Variants in SIK3 observed in about 807,000 individuals in gnomAD.
The protein encoded by SIK3 is serine/threonine-protein kinase SIK3.
A neutral mutation model predicts 144.2 loss-of-function variants in SIK3; 28 were observed. The ratio of observed to expected loss-of-function variants is 0.19; its 90% CI spans 0.14 to 0.27. The LOEUF (loss-of-function observed/expected upper bound fraction) is 0.27, where lower values mean the gene tolerates loss of function less well. Ranked by LOEUF, SIK3 falls within the 10% of genes least tolerant of loss-of-function variation. SIK3 has a pLI of 1.00. For synonymous variants in SIK3, 686 were observed against 676.3 expected, an observed-to-expected ratio of 1.01 and a Z score of -0.22; for missense variants, 1,319 against 1,776.0, an observed-to-expected ratio of 0.74 and a Z score of 4.62.
chr11:116,890,477 G>T (rs1270906640), intron 6 of SIK3, among the ~76,000 whole-genome samples: 1 of 152,206 alleles, frequency 6.6e-6, no homozygotes, highest in African/African-American at 2.4e-5. Flanking sequence ...TTCTGATTCA[G>T]ATTTCATATT....
chr11:117,005,955 A>C (rs1202375163), intron 1 of SIK3, among the ~76,000 whole-genome samples: 7 of 152,176 alleles, frequency 4.6e-5, no homozygotes, highest in Non-Finnish European at 8.8e-5. Flanking sequence ...AGAATGACCA[A>C]GAATACAGGA....
chr11:116,941,194 G>A (rs190683074), intron 3 of SIK3, among the ~76,000 whole-genome samples: 1 of 152,088 alleles, frequency 6.6e-6, no homozygotes, highest in Admixed American at 6.5e-5. Context: ...TTTCGGTAGA[G>A]ACGGGCTTTC....
intron 1 of SIK3, among the ~76,000 whole-genome samples, chr11:117,048,810 A>C (rs1409140836): frequency 1.3e-5 from 2 of 152,070 alleles, no homozygotes; most frequent in Non-Finnish European, 2.9e-5. Flanking sequence ...CCTTTAAAAT[A>C]CTTCATGACT....
intron 16 of SIK3, among the ~76,000 whole-genome samples, chr11:116,863,404 T>A (rs1338383031): frequency 6.6e-6 from 1 of 152,108 alleles, no homozygotes; most frequent in Non-Finnish European, 1.5e-5. Context: ...TAATTTTTAA[T>A]CTTTTGGGGG....
chr11:116,989,279 A>C (rs1020689399), intron 1 of SIK3, among the ~76,000 whole-genome samples: 1 of 152,102 alleles, frequency 6.6e-6, no homozygotes, highest in African/African-American at 2.4e-5. Context: ...TAAATCAGTA[A>C]GGTCTTTTAA....
At chr11:116,973,698 T>C (rs1352668084) in intron 1 of SIK3, among the ~76,000 whole-genome samples, 1 of 152,210 alleles carries the variant, frequency 6.6e-6, no homozygotes, top group Non-Finnish European at 1.5e-5. Flanking sequence ...GTCATGTTGA[T>C]AGTATGTGCC....
intron 23 of SIK3, 124 bp downstream of exon 23, chr11:116,847,352 C>G (rs532902900): frequency 8.2e-6 from 11 of 1,345,226 alleles, no homozygotes; most frequent in African/African-American, 1.4e-5. Flanking sequence ...TGTCCAGAAC[C>G]TGTGGGATGC....
chr11:117,004,360 C>T (rs1023112447), intron 1 of SIK3, among the ~76,000 whole-genome samples: 3 of 151,904 alleles, frequency 2.0e-5, no homozygotes, highest in Admixed American at 6.6e-5. Flanking sequence ...ACAAAAAATA[C>T]AAAAAATTAG....
intron 6 of SIK3, among the ~76,000 whole-genome samples, chr11:116,889,606 A>T (rs1215855190): frequency 6.6e-6 from 1 of 152,150 alleles, no homozygotes; most frequent in Non-Finnish European, 1.5e-5. Flanking sequence ...ATTTTTAAAA[A>T]ATATATTGGC....
chr11:116,875,714 ATTG>A, intron 9 of SIK3, 149 bp downstream of exon 9: 1 of 1,018,536 alleles, frequency 9.8e-7, no homozygotes, highest in African/African-American at 1.9e-5. Flanking sequence ...CAGATCTTTG[ATTG>A]GCCTCTGACA....
At chr11:117,080,298 T>C (rs1954729332) in intron 1 of SIK3, among the ~76,000 whole-genome samples, 1 of 148,934 alleles carries the variant, frequency 6.7e-6, no homozygotes, top group African/African-American at 2.6e-5. Flanking sequence ...TGAATTGGCA[T>C]GGCCTTACTT....
chr11:117,036,623 T>C (rs988043654), intron 1 of SIK3, among the ~76,000 whole-genome samples: 2 of 152,242 alleles, frequency 1.3e-5, no homozygotes, highest in Non-Finnish European at 2.9e-5. Flanking sequence ...GGCATATTTA[T>C]TGTAATTATT....
intron 1 of SIK3, among the ~76,000 whole-genome samples, chr11:117,073,404 C>T (rs543821628): frequency 6.6e-6 from 1 of 152,248 alleles, no homozygotes; most frequent in East Asian, 1.9e-4. Context: ...AATTTTGATG[C>T]CTAATACCTG....
chr11:117,062,360 A>T (rs924357361), intron 1 of SIK3, among the ~76,000 whole-genome samples: 1 of 152,210 alleles, frequency 6.6e-6, no homozygotes, highest in African/African-American at 2.4e-5. Context: ...AAGAATTCTT[A>T]AAGTAAAAAT....
intron 6 of SIK3, among the ~76,000 whole-genome samples, chr11:116,882,873 G>C (rs1944616573): frequency 6.6e-6 from 1 of 151,962 alleles, no homozygotes; most frequent in African/African-American, 2.4e-5. Context: ...CTTCAAAGAG[G>C]GTTCTATTTT....
intron 6 of SIK3, among the ~76,000 whole-genome samples, chr11:116,895,758 G>C (rs970964656): frequency 8.5e-5 from 13 of 152,086 alleles, no homozygotes; most frequent in Non-Finnish European, 2.9e-5. Context: ...AGGACAAAGA[G>C]CACAGAAATA....
intron 1 of SIK3, among the ~76,000 whole-genome samples, chr11:117,048,969 C>T (rs1953098661): frequency 2.0e-5 from 3 of 151,808 alleles, no homozygotes; most frequent in African/African-American, 7.3e-5. Flanking sequence ...GGCGTGGTGG[C>T]GCACGCTTGT....
intron 1 of SIK3, among the ~76,000 whole-genome samples, chr11:116,967,797 C>T (rs1256774765): frequency 6.6e-6 from 1 of 152,158 alleles, no homozygotes; most frequent in Non-Finnish European, 1.5e-5. Flanking sequence ...ACTATCTTCC[C>T]TGAGCAGCCT....
intron 3 of SIK3, among the ~76,000 whole-genome samples, chr11:116,947,756 G>A (rs1333762204): frequency 1.3e-5 from 2 of 151,294 alleles, no homozygotes; most frequent in East Asian, 1.9e-4. Context: ...TAGTAGAGAC[G>A]GGGTTTCACC....
Sources: gnomAD v4.1 joint callset for allele counts (sites outside exome capture counted in the v4.1 genomes callset) on GRCh38, gnomAD v4.1.1 for gene constraint, MANE v1.5 for transcripts, NCBI Gene and HGNC (gene_info 2026-07-23, HGNC 2026-07-21) for gene names.